The following CAPS2 variants were observed in gnomAD, a reference collection of about 807,000 sequenced individuals.
CAPS2 encodes the protein calcyphosine 2, also known as calcyphosin-2.
Under a neutral mutation model 86.5 loss-of-function variants are expected in CAPS2, and 98 were observed. That is an observed-to-expected ratio of 1.13 (90% CI 0.96 to 1.34). CAPS2 has a LOEUF of 1.34. CAPS2 is among the 40% of genes most tolerant of loss of function. The pLI is 0.00. For missense variants in CAPS2, 729 were observed against 686.8 expected (o/e 1.06, Z -0.69); for synonymous variants, 210 against 225.1 (o/e 0.93, Z 0.60).
chr12:75,288,747 A>G (rs1049941880), intron 14 of CAPS2, among the ~76,000 whole-genome samples: 1 of 152,164 alleles, frequency 6.6e-6, no homozygotes, highest in African/African-American at 2.4e-5. Flanking sequence ...TGCATTATCT[A>G]CTTAACTTTC....
At chr12:75,331,971 C>T (rs1010018639), upstream of CAPS2, among the ~76,000 whole-genome samples, 3 of 152,164 alleles carry the variant, frequency 2.0e-5, no homozygotes, top group Non-Finnish European at 4.4e-5. Flanking sequence ...AGGACATGCA[C>T]TTGTTGATTC....
At chr12:75,310,364 A>G (rs1018355342) in intron 7 of CAPS2, among the ~76,000 whole-genome samples, 1 of 152,222 alleles carries the variant, frequency 6.6e-6, no homozygotes, top group Non-Finnish European at 1.5e-5. Flanking sequence ...ACTTCTAAGT[A>G]AAGATATGAG....
chr12:75,371,892 C>A (rs1428877645), intron 1 of CAPS2, among the ~76,000 whole-genome samples: 2 of 152,192 alleles, frequency 1.3e-5, no homozygotes, highest in Non-Finnish European at 2.9e-5. Context: ...TTGTTAGTTT[C>A]CCATTGACCT....
rs367574165 is a variant in CAPS2, at chr12:75,295,470, C to T, written c.1045-2103G>A. Among the ~76,000 whole-genome samples, 32 of 152,232 alleles carry T rather than the reference C, an allele frequency of 2.1e-4. No individual in the cohort carries two copies. The East Asian group carries it at 4.8e-3, about 23-fold the overall frequency. On this transcript the variant is annotated intron_variant, in intron 11 of 16. Transcript: ENST00000393284. ...CACTGACTAAAAATCTGGACACATA[C>T]GATGTTCGCTTTGTCTTCATGTTTT...
In CAPS2 at chr12:75,325,236, TACAC is replaced by T; in HGVS notation, c.130_131+2del. 1 of 1,549,244 alleles carries T rather than the reference TACAC, an allele frequency of 6.5e-7. No homozygotes were observed. The highest frequency in any genetic ancestry group is 8.7e-7 in the Non-Finnish European group (1 of 1,146,052). On this transcript the variant is annotated splice_donor_variant and coding_sequence_variant, in exon 2 of 17. Transcript: ENST00000393284. LOFTEE classifies it high-confidence loss of function. ...AGTCCAAATGTGAAGAAACGTAACT[TACAC>T]TGGTGGGCAAGAATTCTGGTTTGTC...
exon 17 of CAPS2, chr12:75,277,216 T>C (rs2033084999): frequency 1.0e-6 from 1 of 978,144 alleles, no homozygotes; most frequent in Non-Finnish European, 1.2e-6. Context: ...TTCCCTTTTT[T>C]TTTTTTTTTA....
At chr12:75,303,434 G>A (rs1336470438) in intron 8 of CAPS2, among the ~76,000 whole-genome samples, 1 of 152,172 alleles carries the variant, frequency 6.6e-6, no homozygotes, top group Admixed American at 6.5e-5. Context: ...GGTTAACCTG[G>A]TATAGCAGGG....
At chr12:75,295,204 TTTAG>T (rs1253762565) in intron 11 of CAPS2, 8 of 152,360 alleles carry the variant, frequency 5.3e-5, no homozygotes, top group South Asian at 2.1e-4. Context: ...TCTCAATTTT[TTTAG>T]TTAAAGATTT....
At chr12:75,323,831 T>C (rs560311893) in intron 2 of CAPS2, among the ~76,000 whole-genome samples, 121 of 152,220 alleles carry the variant, frequency 7.9e-4, no homozygotes, top group Non-Finnish European at 1.3e-3. Flanking sequence ...GCTCTAGAGA[T>C]TATCTATGTA....
At chr12:75,323,143 A>G (rs1215673889) in intron 3 of CAPS2, 34 bp downstream of exon 4, 5 of 1,499,272 alleles carry the variant, frequency 3.3e-6, no homozygotes, top group Admixed American at 2.0e-5. Context: ...TTGTGTTTTA[A>G]TGTTTATTAT....
Position 75,369,123 on chromosome 12 carries a change from G to A in CAPS2, c.-395+21715C>T, listed in dbSNP as rs554471651. On this transcript the variant is annotated intron_variant, in intron 1 of 5. Transcript: ENST00000551829. The stretch of plus-strand genomic sequence containing the variant: ...GTTATATATGTAGACCTTGGAGTCA[G>A]ATGGTTTAACTCAAGAGGTGATTAA... Among the ~76,000 whole-genome samples the A allele has an allele frequency of 2.0e-5, 3 of 152,032 alleles. No individual in the cohort carries two copies. In the East Asian group the frequency reaches 5.8e-4, roughly 29 times the overall value.
At chr12:75,354,513 T>A (rs879726527) in intron 1 of CAPS2, among the ~76,000 whole-genome samples, 12 of 152,356 alleles carry the variant, frequency 7.9e-5, no homozygotes, top group Non-Finnish European at 1.6e-4. Context: ...CATTGCATGT[T>A]CATGGATAGT....
chr12:75,303,239 G>C (rs571554399), intron 8 of CAPS2, among the ~76,000 whole-genome samples: 16 of 152,242 alleles, frequency 1.1e-4, no homozygotes, highest in African/African-American at 3.9e-4. Context: ...TTGGGTAAAA[G>C]AAGACAAACA....
intron 15 of CAPS2, 36 bp downstream of exon 15, chr12:75,284,925 A>C: frequency 1.3e-6 from 2 of 1,549,570 alleles, no homozygotes; most frequent in Non-Finnish European, 1.8e-6. Flanking sequence ...CAATCTATTA[A>C]AAATAACAAT....
chr12:75,380,782 G>C (rs1208058660), intron 1 of CAPS2, among the ~76,000 whole-genome samples: 1 of 151,916 alleles, frequency 6.6e-6, no homozygotes, highest in Admixed American at 6.6e-5. Flanking sequence ...TTTATTCCTT[G>C]AACTACCAGT....
At chr12:75,285,705 A>ATG (rs2034755313) in intron 14 of CAPS2, among the ~76,000 whole-genome samples, 1 of 151,880 alleles carries the variant, frequency 6.6e-6, no homozygotes. Context: ...ATATATAGAT[A>ATG]TGTGTGTGTG....
chr12:75,325,884 C>G (rs2139076770), intron 1 of CAPS2, among the ~76,000 whole-genome samples: 1 of 151,990 alleles, frequency 6.6e-6, no homozygotes, highest in Middle Eastern at 3.4e-3. Context: ...AATGGGAAGA[C>G]AGTGAAGGGT....
At chr12:75,386,309 T>G (rs902317978) in intron 1 of CAPS2, among the ~76,000 whole-genome samples, 3 of 152,200 alleles carry the variant, frequency 2.0e-5, no homozygotes, top group African/African-American at 7.2e-5. Flanking sequence ...ACAGAATATC[T>G]GATATTTGGT....
At chr12:75,285,474 T>TCCTC (rs1480091980) in intron 14 of CAPS2, among the ~76,000 whole-genome samples, 1 of 151,956 alleles carries the variant, frequency 6.6e-6, no homozygotes, top group Non-Finnish European at 1.5e-5. Context: ...GCACTTAAAA[T>TCCTC]CCTCCCTTTT....
Sources: allele counts gnomAD v4.1 joint callset (sites outside exome capture counted in the v4.1 genomes callset), GRCh38; gene constraint gnomAD v4.1.1; transcripts MANE v1.5; gene names NCBI Gene and HGNC (gene_info 2026-07-23, HGNC 2026-07-21).